EXOC6B: variants seen among roughly 807,000 people sequenced by gnomAD.
The protein encoded by EXOC6B is SEC15 homolog B.
In EXOC6B, 54 loss-of-function variants were observed where a neutral mutation model predicts 113.5. That is an observed-to-expected ratio of 0.48 (90% CI 0.38 to 0.60). EXOC6B has a LOEUF of 0.60. Ranked by LOEUF, EXOC6B falls within the 20% of genes least tolerant of loss-of-function variation. The probability of loss-of-function intolerance (pLI) is 0.00; values close to 1 mark genes in which losing one functional copy is unlikely to be tolerated. For synonymous variants in EXOC6B, 357 were observed against 339.0 expected (o/e 1.05, Z -0.58); for missense variants, 797 against 977.5 (o/e 0.82, Z 2.46).
chr2:72,529,862 T>C (rs72845187), intron 8 of EXOC6B, among the ~76,000 whole-genome samples: 7,648 of 152,266 alleles, frequency 0.05, 295 homozygotes, highest in Middle Eastern at 0.12. Context: ...ATAGTTTGTG[T>C]TTTTCAGAGA....
At chr2:72,277,709 G>C (rs1055845871) in intron 20 of EXOC6B, among the ~76,000 whole-genome samples, 1 of 152,008 alleles carries the variant, frequency 6.6e-6, no homozygotes. Context: ...AGACAGGCTG[G>C]TCTTGAACTC....
rs757338182 is a variant in EXOC6B at position 72,825,812 on chromosome 2, G to T, written c.99C>A (p.Ile33=). ...ACCCGGGGTACCTGAGCGTGGGCCC[G>T]ATGCAGGCCGTGTCAGTGCTCTCGA... ...REIESTDTAC[I]GPTLRSVYDG... is the part of the protein sequence containing the mutation. The change falls in exon 1 of 22, where the codon ATC becomes ATA. Residue 33 remains isoleucine (I), a synonymous_variant. Coordinates refer to ENST00000272427, the MANE Select transcript of EXOC6B (RefSeq NM_015189.3). The surrounding 1 kb of genome is among the most constrained non-coding windows in gnomAD (Gnocchi z 4.4). The T allele has an allele frequency of 2.5e-6, 4 of 1,592,050 alleles. No individual in the cohort carries two copies. The African/African-American group carries it at 4.0e-5, about 16-fold the overall frequency.
At chr2:72,319,938 C>T (rs566121118) in intron 20 of EXOC6B, among the ~76,000 whole-genome samples, 3 of 152,012 alleles carry the variant, frequency 2.0e-5, no homozygotes, top group South Asian at 2.1e-4. Flanking sequence ...CTGGTTCCAG[C>T]GATTTCCCCT....
At chr2:72,739,233 T>C (rs1251728288) in intron 2 of EXOC6B, among the ~76,000 whole-genome samples, 5 of 152,308 alleles carry the variant, frequency 3.3e-5, no homozygotes, top group Admixed American at 1.3e-4. Context: ...GTACATGCAC[T>C]TACAGCCTTA....
intron 8 of EXOC6B, among the ~76,000 whole-genome samples, chr2:72,554,277 C>G (rs148810578): frequency 0.011 from 1,721 of 152,256 alleles, 46 homozygotes; most frequent in African/African-American, 0.04. Flanking sequence ...GCACTCAGAT[C>G]CGCTGCAGAA....
chr2:72,384,324 TA>T (rs1008488694), intron 18 of EXOC6B, among the ~76,000 whole-genome samples: 3 of 151,706 alleles, frequency 2.0e-5, no homozygotes, highest in Admixed American at 1.3e-4. Context: ...CTTTCATGAT[TA>T]AAAAAAAGCT....
At chr2:72,369,062 A>G (rs1348101914) in intron 19 of EXOC6B, among the ~76,000 whole-genome samples, 1 of 152,202 alleles carries the variant, frequency 6.6e-6, no homozygotes, top group Non-Finnish European at 1.5e-5. Flanking sequence ...TTAGGAAAAG[A>G]GGTAGTCAAA....
At chr2:72,520,252 T>C (rs1701417900) in intron 8 of EXOC6B, among the ~76,000 whole-genome samples, 1 of 152,188 alleles carries the variant, frequency 6.6e-6, no homozygotes, top group East Asian at 1.9e-4. Flanking sequence ...AATAAATTAT[T>C]AATCTATAAT....
intron 11 of EXOC6B, among the ~76,000 whole-genome samples, chr2:72,508,985 T>G (rs1336597552): frequency 6.6e-6 from 1 of 152,020 alleles, no homozygotes; most frequent in Non-Finnish European, 1.5e-5. Flanking sequence ...CAGACTGTTG[T>G]TTCTGCCCCC....
At chr2:72,225,376 G>A (rs1178065944) in intron 20 of EXOC6B, among the ~76,000 whole-genome samples, 1 of 152,110 alleles carries the variant, frequency 6.6e-6, no homozygotes, top group Non-Finnish European at 1.5e-5. Context: ...TAAGTTCTTT[G>A]CAGACATTAT....
At chr2:72,713,470 C>T (rs566296406) in intron 6 of EXOC6B, among the ~76,000 whole-genome samples, 5 of 151,576 alleles carry the variant, frequency 3.3e-5, no homozygotes, top group East Asian at 1.9e-4. Flanking sequence ...TTAGGGTACA[C>T]GTGCACAATG....
chr2:72,563,935 T>C (rs116076012), intron 7 of EXOC6B, among the ~76,000 whole-genome samples: 3 of 152,158 alleles, frequency 2.0e-5, no homozygotes, highest in Non-Finnish European at 4.4e-5. Flanking sequence ...TTTAATATTT[T>C]TCTAACCCTT....
intron 8 of EXOC6B, among the ~76,000 whole-genome samples, chr2:72,558,818 A>G (rs1202189950): frequency 6.6e-6 from 1 of 152,048 alleles, no homozygotes; most frequent in Non-Finnish European, 1.5e-5. Context: ...AATTGATAAG[A>G]GACTGGGCAA....
chr2:72,515,041 A>C lies in EXOC6B; in HGVS notation c.999+2T>G. The C allele has an allele frequency of 6.2e-7, 1 of 1,600,298 alleles. No individual in the cohort carries two copies. The highest frequency in any genetic ancestry group is 8.5e-7 in the Non-Finnish European group (1 of 1,173,064). On this transcript the variant is annotated splice_donor_variant, in intron 9 of 21. Transcript: ENST00000272427. LOFTEE classifies it high-confidence loss of function. ...TGAGAAAAGTGAAGATGGTAATCCT[A>C]CCATGTTAGATGGAGGTTGAAGTAC...
chr2:72,800,117 C>A (rs1230364094), intron 1 of EXOC6B, among the ~76,000 whole-genome samples: 1 of 151,444 alleles, frequency 6.6e-6, no homozygotes, highest in African/African-American at 2.4e-5. Flanking sequence ...CAAATGTGAA[C>A]ATAAAAAGAA....
intron 6 of EXOC6B, among the ~76,000 whole-genome samples, chr2:72,653,826 G>T (rs1315480130): frequency 6.6e-6 from 1 of 151,836 alleles, no homozygotes; most frequent in African/African-American, 2.4e-5. Flanking sequence ...AGCTTCCATA[G>T]CTATGATTAC....
chr2:72,474,962 G>C (rs1312722297), intron 17 of EXOC6B, among the ~76,000 whole-genome samples: 1 of 152,140 alleles, frequency 6.6e-6, no homozygotes, highest in Non-Finnish European at 1.5e-5. Flanking sequence ...AGGACACTTT[G>C]GTTGTTATTT....
chr2:72,489,465 G>C (rs372919962), intron 16 of EXOC6B, among the ~76,000 whole-genome samples: 1 of 152,030 alleles, frequency 6.6e-6, no homozygotes, highest in Admixed American at 6.6e-5. Context: ...GTATTAATCA[G>C]TGCTTGACTG....
chr2:72,234,139 T>G (rs1368784690), intron 20 of EXOC6B, among the ~76,000 whole-genome samples: 5 of 146,544 alleles, frequency 3.4e-5, no homozygotes, highest in African/African-American at 1.3e-4. Context: ...TAGGCTGGAG[T>G]GCAGTGGTGC....
Sources: allele counts gnomAD v4.1 joint callset (sites outside exome capture counted in the v4.1 genomes callset), GRCh38; gene constraint gnomAD v4.1.1; non-coding constraint Gnocchi (gnomAD v3.1); transcripts MANE v1.5; gene names NCBI Gene and HGNC (gene_info 2026-07-23, HGNC 2026-07-21).